VWA8: variants seen among roughly 807,000 people sequenced by gnomAD.
The protein encoded by VWA8 is von Willebrand factor A domain containing 8.
Under a neutral mutation model 241.5 loss-of-function variants are expected in VWA8, and 221 were observed. That is an observed-to-expected ratio of 0.91 (90% CI 0.82 to 1.02). VWA8 has a LOEUF of 1.02. Among genes scored for constraint, VWA8 ranks in the 50% least tolerant of loss-of-function variants. The pLI is 0.00. For synonymous variants in VWA8, 852 were observed against 827.1 expected (o/e 1.03, Z -0.52); for missense variants, 2,322 against 2,328.7 (o/e 1.00, Z 0.06).
intron 39 of VWA8, among the ~76,000 whole-genome samples, chr13:41,609,409 T>C (rs1429378982): frequency 6.6e-6 from 1 of 152,198 alleles, no homozygotes; most frequent in Non-Finnish European, 1.5e-5. Context: ...TTTTATATTA[T>C]GCAGATACAC....
intron 20 of VWA8, among the ~76,000 whole-genome samples, chr13:41,772,213 A>G (rs1216454533): frequency 6.6e-6 from 1 of 152,170 alleles, no homozygotes; most frequent in African/African-American, 2.4e-5. Flanking sequence ...TTTTTAAACA[A>G]AAAGAAATAT....
At chr13:41,742,117 G>T (rs1257982047) in intron 21 of VWA8, among the ~76,000 whole-genome samples, 2 of 152,198 alleles carry the variant, frequency 1.3e-5, no homozygotes, top group African/African-American at 4.8e-5. Context: ...GGCAGGCTAA[G>T]TCCAGAGTGT....
chr13:41,868,681 C>G (rs1008709138), intron 9 of VWA8, among the ~76,000 whole-genome samples: 3 of 151,648 alleles, frequency 2.0e-5, no homozygotes, highest in Admixed American at 6.6e-5. Flanking sequence ...GTCAGGAGAT[C>G]GAGACCATCC....
intron 18 of VWA8, among the ~76,000 whole-genome samples, chr13:41,784,737 C>CACATATATATATATATATAT (rs1191810226): frequency 1.4e-5 from 1 of 72,580 alleles, no homozygotes; most frequent in South Asian, 5.7e-4. Flanking sequence ...TATACACACA[C>CACATATATATATATATATAT]ATATATATAT....
chr13:41,699,962 G>C (rs1267685252), intron 28 of VWA8, among the ~76,000 whole-genome samples: 2 of 152,100 alleles, frequency 1.3e-5, no homozygotes, highest in Admixed American at 6.6e-5. Flanking sequence ...TTCAGATTCT[G>C]CCTTTCCAGC....
chr13:41,689,544 G>A (rs1384928819), intron 33 of VWA8, 36 bp from the exon 34 acceptor site: 1 of 1,484,838 alleles, frequency 6.7e-7, no homozygotes, highest in South Asian at 1.5e-5. Context: ...ATATGCTCCT[G>A]AAATGCTCCA....
chr13:41,764,693 A>G (rs1488862461), intron 20 of VWA8, among the ~76,000 whole-genome samples: 1 of 152,100 alleles, frequency 6.6e-6, no homozygotes, highest in Admixed American at 6.6e-5. Flanking sequence ...TCAGTTGGAG[A>G]GCTGGACAGG....
intron 42 of VWA8, among the ~76,000 whole-genome samples, chr13:41,585,832 C>T (rs562374339): frequency 6.7e-6 from 1 of 149,352 alleles, no homozygotes; most frequent in Admixed American, 6.7e-5. Context: ...CCACTGCACT[C>T]CAGCCTGGGC....
At chr13:41,935,351 C>T (rs1877300107) in intron 2 of VWA8, among the ~76,000 whole-genome samples, 1 of 151,944 alleles carries the variant, frequency 6.6e-6, no homozygotes, top group Non-Finnish European at 1.5e-5. Flanking sequence ...AAAATAAAAC[C>T]AAGGAATGAA....
At chr13:41,814,989 G>A (rs60527994) in intron 16 of VWA8, among the ~76,000 whole-genome samples, 1 of 152,270 alleles carries the variant, frequency 6.6e-6, no homozygotes, top group African/African-American at 2.4e-5. Flanking sequence ...AGCAGAAAGA[G>A]GGATAGAAAT....
rs187106588 is a variant in VWA8, at chr13:41,817,998, T to G, written c.1869+1220A>C. Among the ~76,000 whole-genome samples the G allele has an allele frequency of 2.2e-4, 34 of 152,002 alleles. No homozygotes were observed. In the East Asian group the frequency reaches 6.2e-3, roughly 28 times the overall value. ...TTTTTTTCGAGACGGAGTCTCACTC[T>G]GTCACTCAGGCTGGAGTGCAGTGGT... is the stretch of plus-strand genomic sequence containing the variant. On this transcript the variant is annotated intron_variant, in intron 15 of 44. Transcript: ENST00000379310.
chr13:41,843,661 C>T (rs1872157801), intron 12 of VWA8, among the ~76,000 whole-genome samples: 1 of 152,024 alleles, frequency 6.6e-6, no homozygotes, highest in Non-Finnish European at 1.5e-5. Context: ...GGTAACATTA[C>T]AACCGATCCT....
chr13:41,607,878 G>T (rs1263048708), intron 39 of VWA8, among the ~76,000 whole-genome samples: 1 of 151,872 alleles, frequency 6.6e-6, no homozygotes, highest in African/African-American at 2.4e-5. Context: ...AAATATAAAA[G>T]GTACTGATAT....
intron 2 of VWA8, chr13:41,926,570 C>G: frequency 1.8e-6 from 1 of 547,000 alleles, no homozygotes; most frequent in Non-Finnish European, 3.7e-6. Flanking sequence ...TGATTTGAGG[C>G]ACAATCCTGA....
intron 14 of VWA8, among the ~76,000 whole-genome samples, chr13:41,827,267 T>G (rs988501621): frequency 2.0e-5 from 3 of 152,226 alleles, no homozygotes; most frequent in African/African-American, 7.2e-5. Flanking sequence ...AATTATTATA[T>G]AACTCTTTAG....
chr13:41,615,909 G>A (rs752286980), intron 37 of VWA8, among the ~76,000 whole-genome samples: 5 of 152,152 alleles, frequency 3.3e-5, no homozygotes, highest in African/African-American at 4.8e-5. Flanking sequence ...CACACCATGA[G>A]CCTGCTCTCA....
intron 27 of VWA8, among the ~76,000 whole-genome samples, chr13:41,702,627 A>G (rs2045257916): frequency 6.6e-6 from 1 of 152,150 alleles, no homozygotes; most frequent in East Asian, 1.9e-4. Context: ...TTGTTTACGT[A>G]CTGCCATGGC....
At chr13:41,657,107 T>G (rs991439569) in intron 37 of VWA8, among the ~76,000 whole-genome samples, 1 of 152,144 alleles carries the variant, frequency 6.6e-6, no homozygotes, top group Non-Finnish European at 1.5e-5. Flanking sequence ...GGACTTCTGC[T>G]GAAATTACAC....
At chr13:41,921,632 G>T (rs564717838) in intron 2 of VWA8, among the ~76,000 whole-genome samples, 33 of 152,038 alleles carry the variant, frequency 2.2e-4, no homozygotes, top group Non-Finnish European at 2.8e-4. Flanking sequence ...CAAGCATTCC[G>T]ATACACCAAT....
Sources: allele counts gnomAD v4.1 joint callset (sites outside exome capture counted in the v4.1 genomes callset), GRCh38; gene constraint gnomAD v4.1.1; transcripts MANE v1.5; gene names NCBI Gene and HGNC (gene_info 2026-07-23, HGNC 2026-07-21).